NTM: variants seen among roughly 807,000 people sequenced by gnomAD.
NTM encodes the protein neurotrimin.
In NTM, 13 loss-of-function variants were observed where a neutral mutation model predicts 42.1. The ratio of observed to expected loss-of-function variants is 0.31; its 90% confidence interval spans 0.20 to 0.49. NTM has a LOEUF of 0.49. Among genes scored for constraint, NTM ranks in the 20% least tolerant of loss-of-function variants. NTM has a pLI of 0.99. For synonymous variants in NTM, 187 were observed against 179.2 expected, an observed-to-expected ratio of 1.04 and a Z score of -0.35; for missense variants, 373 against 452.8, an observed-to-expected ratio of 0.82 and a Z score of 1.60.
chr11:132,134,319 T>TTCTA (rs940469514), intron 2 of NTM, among the ~76,000 whole-genome samples: 9 of 152,248 alleles, frequency 5.9e-5, no homozygotes, highest in Non-Finnish European at 1.0e-4. Flanking sequence ...TTTGGTTGGC[T>TTCTA]TTTATTTATT....
At chr11:131,836,803 T>C (rs949031450) in intron 1 of NTM, among the ~76,000 whole-genome samples, 3 of 152,236 alleles carry the variant, frequency 2.0e-5, no homozygotes, top group Admixed American at 6.5e-5. Context: ...GTTGTTTGAA[T>C]GAATCCTTAT....
At chr11:131,796,239 T>C in intron 1 of NTM, 1 of 900,524 alleles carries the variant, frequency 1.1e-6, no homozygotes, top group Non-Finnish European at 1.3e-6. Flanking sequence ...GAAGAGGCCA[T>C]GCACAGGTGC....
At chr11:131,920,317 A>T (rs573275947) in intron 2 of NTM, among the ~76,000 whole-genome samples, 2 of 152,308 alleles carry the variant, frequency 1.3e-5, no homozygotes, top group Admixed American at 6.5e-5. Flanking sequence ...CTTCATTCAT[A>T]TCTCCTGATG....
chr11:131,821,754 AC>A (rs1482801786), intron 1 of NTM, among the ~76,000 whole-genome samples: 2 of 152,068 alleles, frequency 1.3e-5, no homozygotes, highest in East Asian at 3.9e-4. Context: ...GCCCCCACTG[AC>A]TCTCTTTGTT....
At chr11:132,213,289 G>A (rs1244690161) in intron 4 of NTM, among the ~76,000 whole-genome samples, 1 of 152,162 alleles carries the variant, frequency 6.6e-6, no homozygotes, top group Admixed American at 6.5e-5. Flanking sequence ...GTTAGAAGCT[G>A]GCTTGTGCAG....
chr11:132,194,142 A>G (rs2079780082), intron 3 of NTM, among the ~76,000 whole-genome samples: 1 of 61,332 alleles, frequency 1.6e-5, no homozygotes, highest in Non-Finnish European at 3.4e-5. Flanking sequence ...ACACAATGAA[A>G]CAAACAAACA....
At chr11:131,535,026 C>T (rs761241413) in intron 1 of NTM, 1 of 152,194 alleles carries the variant, frequency 6.6e-6, no homozygotes, top group Non-Finnish European at 1.5e-5. Context: ...TTAAAATTCA[C>T]CTTGAGTTTG....
intron 1 of NTM, among the ~76,000 whole-genome samples, chr11:131,394,761 G>A (rs1169186461): frequency 1.3e-5 from 2 of 152,092 alleles, no homozygotes; most frequent in South Asian, 2.1e-4. Context: ...TCTCAGCGTC[G>A]AGCTCAGCTT....
intron 1 of NTM, among the ~76,000 whole-genome samples, chr11:131,425,578 G>A (rs1188286151): frequency 1.3e-5 from 2 of 152,198 alleles, no homozygotes; most frequent in Non-Finnish European, 2.9e-5. Flanking sequence ...ACACAGCCAA[G>A]TTCATGGTTT....
At chr11:132,148,786 G>GA (rs2071177330) in intron 3 of NTM, among the ~76,000 whole-genome samples, 1 of 152,296 alleles carries the variant, frequency 6.6e-6, no homozygotes, top group South Asian at 2.1e-4. Flanking sequence ...CTCCAAGAGA[G>GA]ACGGCTGGGT....
At chr11:131,443,522 G>A (rs1591679204) in intron 1 of NTM, among the ~76,000 whole-genome samples, 1 of 152,178 alleles carries the variant, frequency 6.6e-6, no homozygotes, top group South Asian at 2.1e-4. Context: ...GATGCCCAAG[G>A]CTGGAAATAT....
chr11:131,827,285 G>T (rs907567791), intron 1 of NTM, among the ~76,000 whole-genome samples: 1 of 152,188 alleles, frequency 6.6e-6, no homozygotes, highest in African/African-American at 2.4e-5. Flanking sequence ...CAGATACTTT[G>T]AGCCTGCACA....
chr11:131,748,384 G>A (rs776554114), intron 1 of NTM, among the ~76,000 whole-genome samples: 1 of 152,220 alleles, frequency 6.6e-6, no homozygotes, highest in African/African-American at 2.4e-5. Flanking sequence ...AGCAGACGCC[G>A]CACAGCCGGC....
At chr11:131,580,672 T>C (rs1592112555) in intron 1 of NTM, among the ~76,000 whole-genome samples, 3 of 152,156 alleles carry the variant, frequency 2.0e-5, no homozygotes, top group East Asian at 3.8e-4. Flanking sequence ...ACCTTTCTGG[T>C]TGCCCCTGAT....
chr11:132,105,570 G>T (rs1235166394), intron 2 of NTM, among the ~76,000 whole-genome samples: 2 of 152,128 alleles, frequency 1.3e-5, no homozygotes, highest in Non-Finnish European at 2.9e-5. Flanking sequence ...ACAGTGGGAA[G>T]AGACAAAACC....
chr11:131,509,195 C>T (rs948407186), intron 1 of NTM, among the ~76,000 whole-genome samples: 1 of 152,164 alleles, frequency 6.6e-6, no homozygotes, highest in Admixed American at 6.5e-5. Flanking sequence ...GGTCACACTA[C>T]CTCAGATGGA....
At chr11:131,460,758 T>C (rs188266747) in intron 1 of NTM, among the ~76,000 whole-genome samples, 3 of 152,294 alleles carry the variant, frequency 2.0e-5, no homozygotes, top group Non-Finnish European at 4.4e-5. Flanking sequence ...TTCACCATGT[T>C]GGCCAGGCTG....
intron 2 of NTM, among the ~76,000 whole-genome samples, chr11:131,924,113 A>G (rs1447768383): frequency 1.3e-5 from 2 of 152,230 alleles, no homozygotes; most frequent in African/African-American, 4.8e-5. Flanking sequence ...CCCTGGAGCT[A>G]TGTGTGGAAA....
chr11:131,753,793 A>G (rs1343971364), intron 1 of NTM, among the ~76,000 whole-genome samples: 13 of 151,842 alleles, frequency 8.6e-5, no homozygotes, highest in Admixed American at 7.9e-4. Flanking sequence ...CCTAATGCTA[A>G]ATGACGAATT....
Sources: allele counts gnomAD v4.1 joint callset (sites outside exome capture counted in the v4.1 genomes callset), GRCh38; gene constraint gnomAD v4.1.1; transcripts MANE v1.5; gene names NCBI Gene and HGNC (gene_info 2026-07-23, HGNC 2026-07-21).